Variants in ERBB2 observed in about 807,000 individuals in gnomAD.
The protein encoded by ERBB2 is erb-b2 receptor tyrosine kinase 2, also known as receptor tyrosine-protein kinase erbB-2.
A neutral mutation model predicts 149.0 loss-of-function variants in ERBB2; 61 were observed. That is an observed-to-expected ratio of 0.41 (90% confidence interval 0.33 to 0.51). The LOEUF is 0.51. Ranked by LOEUF, ERBB2 falls within the 20% of genes least tolerant of loss-of-function variation. ERBB2 has a pLI of 0.25. For synonymous variants in ERBB2, 633 were observed against 678.8 expected, an observed-to-expected ratio of 0.93 and a Z score of 1.05; for missense variants, 1,205 against 1,655.1, an observed-to-expected ratio of 0.73 and a Z score of 4.72.
rs779179985 is a variant in ERBB2, at chr17:39,727,258, G to A, written c.3160-37G>A. 1.7e-5 allele frequency: 28 copies of A among 1,608,688 alleles called. No homozygotes were observed. Among genetic ancestry groups the A allele is most frequent in the South Asian group, 4.4e-5 (4 of 90,526 alleles). On this transcript the variant is annotated intron_variant, in intron 25 of 26. Transcript: ENST00000269571. This position sits in a 1 kb window ranked among gnomAD's most constrained non-coding sequence, Gnocchi z 4.3. ...CATGGAGTCCCCATCCCAGATCCGT[G>A]AGTGACCCCCATCATGACTTTCTTT...
upstream of ERBB2, among the ~76,000 whole-genome samples, chr17:39,691,972 G>A (rs2057724616): frequency 7.4e-6 from 1 of 135,708 alleles, no homozygotes; most frequent in Admixed American, 7.5e-5. Context: ...TTGTGTCTCA[G>A]CCTCCCGAGT....
At chr17:39,715,675 A>T (rs2145646629) in intron 11 of ERBB2, 65 bp from the exon 12 acceptor site, 2 of 1,578,778 alleles carry the variant, frequency 1.3e-6, no homozygotes, top group Non-Finnish European at 1.7e-6. Context: ...GGATGGAGGA[A>T]GATGAGAATA....
chr17:39,711,886 G>A (rs746274789), intron 7 of ERBB2, 42 bp from the exon 8 acceptor site: 16 of 1,612,732 alleles, frequency 9.9e-6, no homozygotes, highest in East Asian at 4.5e-5. Context: ...GGTGGTGCAC[G>A]AAGGGCCAGG....
upstream of ERBB2, among the ~76,000 whole-genome samples, chr17:39,699,005 G>C (rs966715483): frequency 6.6e-6 from 1 of 151,622 alleles, no homozygotes; most frequent in Non-Finnish European, 1.5e-5. Flanking sequence ...CCTACCACTA[G>C]GCCTAAGGAA....
rs138329114 is a variant in ERBB2, at chr17:39,710,034, G to A, written c.644-52G>A. 2.6e-6 allele frequency: 4 copies of A among 1,538,232 alleles called. No homozygotes were observed. In the Admixed American group the frequency reaches 5.0e-5, roughly 19 times the overall value. ...CTCCCTAGAAGGTGATGCTGATGAG[G>A]GTCTGGTGCCCAGGGCGCCACTCAG... is the stretch of plus-strand genomic sequence containing the variant. On this transcript the variant is annotated intron_variant, in intron 5 of 26. Transcript: ENST00000269571.
At chr17:39,688,132 A>ATT (rs1289799520) in exon 1 of ERBB2, 12 of 1,012,332 alleles carry the variant, frequency 1.2e-5, no homozygotes, top group Non-Finnish European at 1.5e-5. Context: ...CACACAGTTT[A>ATT]AATTAAAGTT....
At position 39,725,249 on chromosome 17, in the gene ERBB2, G is replaced by T; in HGVS notation, c.2649+45G>T. 6.2e-7 allele frequency: 1 copy of T among 1,613,652 alleles called. No homozygotes were observed. Among genetic ancestry groups the T allele is most frequent in the East Asian group, 2.2e-5 (1 of 44,872 alleles). ...AGCAGAGGAGGCTGGGTGGAGTGGT[G>T]TCTAGCCCATGGGAGAACTCTGAGT... On this transcript the variant is annotated intron_variant, in intron 21 of 26. Transcript: ENST00000269571. The surrounding 1 kb of genome is among the most constrained non-coding windows in gnomAD (Gnocchi z 4.6).
At chr17:39,694,240 T>G (rs1597841875), upstream of ERBB2, among the ~76,000 whole-genome samples, 1 of 21,678 alleles carries the variant, frequency 4.6e-5, no homozygotes, top group Non-Finnish European at 1.0e-4. Context: ...TATATATATA[T>G]ATATATATAT....
Position 39,723,332 on chromosome 17 carries a change from A to C in ERBB2, c.1960A>C (p.Ile654Leu), listed in dbSNP as rs1801201. ...TTCCGCCCCCAGCCCTCTGACGTCC[A>C]TCATCTCTGCGGTGGTTGGCATTCT... ...AEQRASPLTS[I>L]ISAVVGILLV... Residue 654 changes from isoleucine (I) to leucine (L), a missense_variant, in exon 17 of 27, where the codon ATC (isoleucine) becomes CTC (leucine). By Grantham distance (5) the Ile-to-Leu change is conservative. Coordinates refer to ENST00000269571, the MANE Select transcript of ERBB2 (RefSeq NM_004448.4). This position sits in a 1 kb window ranked among gnomAD's most constrained non-coding sequence, Gnocchi z 6.2. The C allele has an allele frequency of 1.2e-5, 20 of 1,607,668 alleles. No homozygotes were observed. Among genetic ancestry groups the C allele is most frequent in the Admixed American group, 1.7e-5 (1 of 59,730 alleles).
At chr17:39,715,178 A>AG in intron 9 of ERBB2, 108 bp from the exon 10 acceptor site, 2 of 899,416 alleles carry the variant, frequency 2.2e-6, no homozygotes, top group Non-Finnish European at 3.6e-6. Flanking sequence ...CGATGGGCAA[A>AG]GGGTTTGAGT....
rs369903296 is a variant in ERBB2, at chr17:39,717,377, C to T, written c.1795C>T (p.Arg599Cys). Reference protein sequence around the residue: ...HYKDPPFCVARCPSGVKPDLS... With the variant: ...HYKDPPFCVACCPSGVKPDLS... Reference sequence around the variant, plus strand: ...TAAGGACCCTCCCTTCTGCGTGGCCCGCTGCCCCAGCGGTGTGAAACCTGA... The same window carrying T: ...TAAGGACCCTCCCTTCTGCGTGGCCTGCTGCCCCAGCGGTGTGAAACCTGA... The change falls in exon 15 of 27, where the codon CGC becomes TGC. Residue 599 changes from arginine (R) to cysteine (C), a missense_variant. This residue lies in a region of ERBB2 where 569 missense variants were observed against 803.5 expected (regional missense o/e 0.71). Transcript: ENST00000269571. 7 of 1,612,724 alleles carry T rather than the reference C, an allele frequency of 4.3e-6. No individual in the cohort carries two copies. Among genetic ancestry groups the T allele is most frequent in the Non-Finnish European group, 8.5e-7 (1 of 1,179,968 alleles).
upstream of ERBB2, among the ~76,000 whole-genome samples, chr17:39,691,414 C>T (rs1467507821): frequency 6.6e-6 from 1 of 151,470 alleles, no homozygotes; most frequent in East Asian, 1.9e-4. Flanking sequence ...CATGGTGGCA[C>T]GTGCCTGTAA....
At position 39,727,629 on chromosome 17, in the gene ERBB2, G is replaced by A. The variant is rs2059849858; in HGVS notation, c.3413-60G>A. 4 of 1,557,684 alleles carry A rather than the reference G, an allele frequency of 2.6e-6. No homozygotes were observed. The highest frequency in any genetic ancestry group is 1.4e-5 in the African/African-American group (1 of 72,210). On this transcript the variant is annotated intron_variant, in intron 26 of 26. Transcript: ENST00000269571. The surrounding 1 kb of genome is among the most constrained non-coding windows in gnomAD (Gnocchi z 4.3). The stretch of plus-strand genomic sequence containing the variant: ...CCCAGGGTCCACTGTGGGGGCAGAG[G>A]GAGTGGCAGAGACACCGGGGTTCCT...
chr17:39,723,198 G>T lies in ERBB2; in HGVS notation c.1947-121G>T, dbSNP rs1446232681. 9.6e-7 allele frequency: 1 copy of T among 1,039,734 alleles called. No homozygotes were observed. Among genetic ancestry groups the T allele is most frequent in the Non-Finnish European group, 1.4e-6 (1 of 700,086 alleles). 64.4% of individuals were successfully genotyped at this position (1,039,734 alleles called of 1,614,324 possible). A position where few individuals can be genotyped will look rare whatever the true frequency, so the allele number is the denominator to read the frequency against. Reference sequence around the variant, plus strand: ...TTAGAGTAGGAGAGGGTCCAAGCCTGTGGGTCACCCTTCCGACTTCCCTTT... The same window carrying T: ...TTAGAGTAGGAGAGGGTCCAAGCCTTTGGGTCACCCTTCCGACTTCCCTTT... On this transcript the variant is annotated intron_variant, in intron 16 of 26. Transcript: ENST00000269571. The surrounding 1 kb of genome is among the most constrained non-coding windows in gnomAD (Gnocchi z 6.2).
At chr17:39,721,652 T>C (rs1483477606) in intron 16 of ERBB2, among the ~76,000 whole-genome samples, 1 of 151,974 alleles carries the variant, frequency 6.6e-6, no homozygotes, top group Non-Finnish European at 1.5e-5. Flanking sequence ...CACTGGGAGG[T>C]GTGGAAAATC....
In ERBB2 at chr17:39,727,937, T is replaced by C. The variant is rs2143312859; in HGVS notation, c.3661T>C (p.Tyr1221His). 1 of 1,614,080 alleles carries C rather than the reference T, an allele frequency of 6.2e-7. No individual in the cohort carries two copies. Among genetic ancestry groups the C allele is most frequent in the South Asian group, 1.1e-5 (1 of 91,080 alleles). The part of the protein sequence containing the change: ...PAFSPAFDNL[Y>H]YWDQDPPERG... ...CTTCAGCCCAGCCTTCGACAACCTCTATTACTGGGACCAGGACCCACCAGA... is the reference window on the plus strand; with the variant it reads ...CTTCAGCCCAGCCTTCGACAACCTCCATTACTGGGACCAGGACCCACCAGA... The change falls in exon 27 of 27, where the codon TAT becomes CAT. Residue 1221 changes from tyrosine to histidine, a missense_variant. Physicochemically the swap from Tyr to His is moderately conservative, Grantham distance 83 (BLOSUM62 2). Coordinates refer to ENST00000269571, the MANE Select transcript of ERBB2 (RefSeq NM_004448.4). This position sits in a 1 kb window ranked among gnomAD's most constrained non-coding sequence, Gnocchi z 4.3.
chr17:39,726,336 AAAAT>A lies in ERBB2; in HGVS notation c.2873-222_2873-219del. 1.8e-6 allele frequency: 1 copy of A among 556,724 alleles called. No homozygotes were observed. Among genetic ancestry groups the A allele is most frequent in the East Asian group, 2.9e-5 (1 of 33,986 alleles). 34.5% of individuals were successfully genotyped at this position (556,724 alleles called of 1,614,324 possible). On this transcript the variant is annotated intron_variant, in intron 23 of 26. Transcript: ENST00000269571. The surrounding 1 kb of genome is among the most constrained non-coding windows in gnomAD (Gnocchi z 5.1). ...TGACAGAGCGAAACCTCATCTCAAA[AAAAT>A]AAAAAAGCAAACAAAAAGAAAAAAA... is the stretch of plus-strand genomic sequence containing the variant.
Position 39,726,692 on chromosome 17 carries a change from G to A in ERBB2, c.2970+33G>A, listed in dbSNP as rs2143148415. On this transcript the variant is annotated intron_variant, in intron 24 of 26. Coordinates refer to ENST00000269571, the MANE Select transcript of ERBB2 (RefSeq NM_004448.4). This position sits in a 1 kb window ranked among gnomAD's most constrained non-coding sequence, Gnocchi z 5.1. ...GCCTCTGTGCCCCATCCCTGCCTGT[G>A]GCTAAGAGCACCCTCCTGCAGAGGG... 1.2e-6 allele frequency: 2 copies of A among 1,607,466 alleles called. No homozygotes were observed. Among genetic ancestry groups the A allele is most frequent in the Non-Finnish European group, 1.7e-6 (2 of 1,173,954 alleles).
upstream of ERBB2, chr17:39,693,244 C>T (rs2057752784): frequency 6.6e-6 from 1 of 152,288 alleles, no homozygotes. Flanking sequence ...CTTTTCCTTT[C>T]TCTTCCCCCT....
Sources: gnomAD v4.1 joint callset for allele counts (sites outside exome capture counted in the v4.1 genomes callset) on GRCh38, gnomAD v4.1.1 for gene constraint, gnomAD v4.1.1 regional missense constraint, Gnocchi (gnomAD v3.1) non-coding constraint, MANE v1.5 for transcripts, NCBI Gene and HGNC (gene_info 2026-07-23, HGNC 2026-07-21) for gene names.